The following STX8 variants were observed in gnomAD, a reference collection of about 807,000 sequenced individuals.
The protein encoded by STX8 is syntaxin 8, also known as syntaxin-8.
STX8 carries 23 observed loss-of-function variants against 37.5 expected under a neutral mutation model. The ratio of observed to expected loss-of-function variants is 0.61; its 90% CI spans 0.44 to 0.87. The LOEUF (loss-of-function observed/expected upper bound fraction) is 0.87, where lower values mean the gene tolerates loss of function less well. Ranked by LOEUF, STX8 falls within the 40% of genes least tolerant of loss-of-function variation. STX8 has a pLI of 0.00. For synonymous variants in STX8, 115 were observed against 99.1 expected (o/e 1.16, Z -0.95); for missense variants, 313 against 284.7 (o/e 1.10, Z -0.71).
At chr17:9,372,425 A>G (rs1474174055) in intron 7 of STX8, among the ~76,000 whole-genome samples, 1 of 152,108 alleles carries the variant, frequency 6.6e-6, no homozygotes, top group Non-Finnish European at 1.5e-5. Context: ...TGCCCCTCTC[A>G]GGCTACAGAA....
intron 6 of STX8, among the ~76,000 whole-genome samples, chr17:9,390,517 C>T (rs1311199174): frequency 2.2e-5 from 3 of 135,812 alleles, no homozygotes; most frequent in Non-Finnish European, 3.1e-5. Context: ...AGCGAAACTC[C>T]GTCTCAAAAA....
At chr17:9,493,843 T>TA (rs2142480325) in intron 5 of STX8, among the ~76,000 whole-genome samples, 1 of 152,250 alleles carries the variant, frequency 6.6e-6, no homozygotes, top group South Asian at 2.1e-4. Context: ...GTGATATACT[T>TA]ATAATAGTGA....
intron 7 of STX8, among the ~76,000 whole-genome samples, chr17:9,288,148 AAAAAAACC>A (rs1268072852): frequency 6.7e-6 from 1 of 148,286 alleles, no homozygotes; most frequent in East Asian, 2.0e-4. Context: ...AACAAAAAAA[AAAAAAACC>A]AAAAACAAAA....
chr17:9,473,919 T>G (rs59577333), intron 6 of STX8, among the ~76,000 whole-genome samples: 3,362 of 152,214 alleles, frequency 0.022, 111 homozygotes, highest in African/African-American at 0.074. Flanking sequence ...TTAGACAATT[T>G]CAAAGAAAGG....
chr17:9,259,756 C>T (rs1196167835), intron 7 of STX8, among the ~76,000 whole-genome samples: 1 of 152,106 alleles, frequency 6.6e-6, no homozygotes, highest in Non-Finnish European at 1.5e-5. Flanking sequence ...AGGACGGGGT[C>T]ACAGGCAGGA....
At chr17:9,445,519 G>GGGGGGTGGGGGAGGGGGTTGGA (rs1904812677) in intron 6 of STX8, among the ~76,000 whole-genome samples, 2 of 137,854 alleles carry the variant, frequency 1.5e-5, no homozygotes, top group African/African-American at 5.3e-5. Context: ...GAGGGGGTTG[G>GGGGGGTGGGGGAGGGGGTTGGA]GGGGTGGGGG....
intron 6 of STX8, among the ~76,000 whole-genome samples, chr17:9,386,327 C>T (rs1189756834): frequency 6.6e-6 from 1 of 152,066 alleles, no homozygotes; most frequent in African/African-American, 2.4e-5. Context: ...AATAAGAAAA[C>T]AATCATTATA....
chr17:9,470,684 G>A (rs1039693022), intron 6 of STX8, among the ~76,000 whole-genome samples: 2 of 152,000 alleles, frequency 1.3e-5, no homozygotes, highest in Non-Finnish European at 2.9e-5. Context: ...TTTGGTGTAG[G>A]CCTCTATGCA....
intron 7 of STX8, chr17:9,377,788 T>G (rs1911652491): frequency 6.6e-6 from 1 of 152,252 alleles, no homozygotes; most frequent in Non-Finnish European, 1.5e-5. Context: ...CATAAATATG[T>G]CAGCTTTATA....
rs60856219 is a variant in STX8 at position 9,559,760 on chromosome 17, A to ATT, written c.118-2234_118-2233dup. Among the ~76,000 whole-genome samples the ATT allele has an allele frequency of 5.7e-4, 14 of 24,494 alleles. 1 individual carries two copies. Among genetic ancestry groups the ATT allele is most frequent in the African/African-American group, 1.3e-3 (7 of 5,234 alleles). 16.1% of individuals were successfully genotyped at this position (24,494 alleles called of 152,430 possible). On this transcript the variant is annotated intron_variant, in intron 2 of 7. Transcript: ENST00000306357. ...TATATATATATATATATATATATAT[A>ATT]TTTTTTTTTTTTTTTTTTTTGAGAC...
At position 9,573,092 on chromosome 17, in the gene STX8, C is replaced by T. The variant is rs921102240; in HGVS notation, c.17+2700G>A. ...GCCCACCCCCAACACCCCCCCCCACCCCCGCAACCATCTGAACGGACCCCT... is the reference window on the plus strand; with the variant it reads ...GCCCACCCCCAACACCCCCCCCCACTCCCGCAACCATCTGAACGGACCCCT... On this transcript the variant is annotated intron_variant, in intron 1 of 7. Coordinates refer to ENST00000306357, the MANE Select transcript of STX8 (RefSeq NM_004853.3). Among the ~76,000 whole-genome samples, 2 of 144,290 alleles carry T rather than the reference C, an allele frequency of 1.4e-5. 1 individual carries two copies. The highest frequency in any genetic ancestry group is 5.2e-5 in the African/African-American group (2 of 38,422). The allele number at this position is 144,290 out of a possible 152,430, so 94.7% of individuals were successfully genotyped here. A position where few individuals can be genotyped will look rare whatever the true frequency, so the allele number is the denominator to read the frequency against.
At chr17:9,453,955 C>A (rs373558517) in intron 6 of STX8, among the ~76,000 whole-genome samples, 12 of 152,048 alleles carry the variant, frequency 7.9e-5, no homozygotes, top group African/African-American at 2.9e-4. Flanking sequence ...AGAGGGAAGG[C>A]GAGGCTCTGG....
At chr17:9,296,950 C>T (rs1908574847) in intron 7 of STX8, among the ~76,000 whole-genome samples, 1 of 152,070 alleles carries the variant, frequency 6.6e-6, no homozygotes, top group Non-Finnish European at 1.5e-5. Flanking sequence ...AAGTATAATA[C>T]ATATACAGAA....
rs1908288548 is a variant in STX8, at chr17:9,290,852, A to AG, written c.644-40208dup. On this transcript the variant is annotated intron_variant, in intron 7 of 7. Transcript: ENST00000306357. ...GTCCAGGACGTACATGCTTCTTATT[A>AG]GGGTGCAGTAACCCTGTCCCCTGGG... 2.0e-5 allele frequency among the ~76,000 whole-genome samples: 3 copies of AG among 152,222 alleles called. No homozygotes were observed. In the South Asian group the frequency reaches 6.2e-4, roughly 32 times the overall value.
intron 6 of STX8, among the ~76,000 whole-genome samples, chr17:9,393,420 A>G (rs1488410123): frequency 6.6e-6 from 1 of 152,218 alleles, no homozygotes; most frequent in Non-Finnish European, 1.5e-5. Context: ...AACAGCAGAA[A>G]TGGTAAACAT....
intron 7 of STX8, among the ~76,000 whole-genome samples, chr17:9,332,441 AAAGG>A (rs1401338095): frequency 9.8e-5 from 15 of 152,328 alleles, no homozygotes; most frequent in African/African-American, 3.6e-4. Context: ...AAGATTCACA[AAAGG>A]AAGGGACAAA....
intron 7 of STX8, among the ~76,000 whole-genome samples, chr17:9,362,930 A>G (rs1320414157): frequency 6.6e-6 from 1 of 152,170 alleles, no homozygotes; most frequent in Non-Finnish European, 1.5e-5. Flanking sequence ...TTCAAATAAT[A>G]AAAACACACT....
At chr17:9,265,194 T>C (rs905740834) in intron 7 of STX8, among the ~76,000 whole-genome samples, 1 of 151,616 alleles carries the variant, frequency 6.6e-6, no homozygotes, top group African/African-American at 2.4e-5. Flanking sequence ...TCACATATCC[T>C]ATTATTTTAC....
chr17:9,379,085 A>G (rs989036754), intron 6 of STX8, among the ~76,000 whole-genome samples: 12 of 151,984 alleles, frequency 7.9e-5, no homozygotes, highest in Non-Finnish European at 1.3e-4. Context: ...TCTCTACTAA[A>G]AATACAAAAA....
Sources: gnomAD v4.1 joint callset for allele counts (sites outside exome capture counted in the v4.1 genomes callset) on GRCh38, gnomAD v4.1.1 for gene constraint, MANE v1.5 for transcripts, NCBI Gene and HGNC (gene_info 2026-07-23, HGNC 2026-07-21) for gene names.